SMYD1: variants seen among roughly 807,000 people sequenced by gnomAD.
SMYD1 encodes the protein SET and MYND domain containing 1.
SMYD1 carries 49 observed loss-of-function variants against 54.0 expected under a neutral mutation model. That is an observed-to-expected ratio of 0.91 (90% CI 0.72 to 1.15). The LOEUF is 1.15. Ranked by LOEUF, SMYD1 falls within the 50% of genes most tolerant of loss-of-function variation. SMYD1 has a pLI of 0.00. For missense variants in SMYD1, 653 were observed against 639.6 expected (o/e 1.02, Z -0.23); for synonymous variants, 269 against 234.2 (o/e 1.15, Z -1.36).
rs1675032797 is a variant in SMYD1 at position 88,111,926 on chromosome 2, G to C, written c.*1414G>C. The C allele has an allele frequency of 1.6e-6, 1 of 639,436 alleles. No homozygotes were observed. The highest frequency in any genetic ancestry group is 2.8e-6 in the Non-Finnish European group (1 of 351,920). 39.6% of individuals were successfully genotyped at this position (639,436 alleles called of 1,614,324 possible). On this transcript the variant is annotated 3_prime_UTR_variant, in exon 10 of 10. Transcript: ENST00000419482. ...TCTTGAAGTAAATTGATCCCACCAG[G>C]TCCCACGTTTGTTATCTCTGCCTAA...
intron 6 of SMYD1, among the ~76,000 whole-genome samples, chr2:88,099,418 A>C (rs1159562853): frequency 1.3e-5 from 2 of 151,838 alleles, no homozygotes; most frequent in Non-Finnish European, 2.9e-5. Context: ...GCCTTTACCC[A>C]TGGTTTTCAA....
intron 6 of SMYD1, among the ~76,000 whole-genome samples, 163 bp from the exon 7 acceptor site, chr2:88,102,895 G>T (rs1386090820): frequency 1.3e-5 from 2 of 152,188 alleles, no homozygotes; most frequent in Non-Finnish European, 2.9e-5. Context: ...GAGGGAACTG[G>T]AATAGCTACA....
chr2:88,092,061 G>T (rs1005218665), intron 4 of SMYD1, among the ~76,000 whole-genome samples: 8 of 152,146 alleles, frequency 5.3e-5, no homozygotes, highest in Non-Finnish European at 7.3e-5. Flanking sequence ...GCTCAGCTGT[G>T]GCTTATAACT....
intron 6 of SMYD1, among the ~76,000 whole-genome samples, chr2:88,102,599 G>C (rs1056475136): frequency 5.9e-5 from 9 of 152,190 alleles, no homozygotes; most frequent in Non-Finnish European, 1.2e-4. Flanking sequence ...AAGTCCCTGG[G>C]CTCTGTCTTC....
chr2:88,096,333 G>A (rs531338517), intron 5 of SMYD1, among the ~76,000 whole-genome samples: 3 of 152,344 alleles, frequency 2.0e-5, no homozygotes, highest in African/African-American at 7.2e-5. Context: ...ACCAAGCCCA[G>A]CTCTCTACTA....
chr2:88,106,243 G>A (rs1674864512), intron 7 of SMYD1, 82 bp from the exon 8 acceptor site: 3 of 1,534,894 alleles, frequency 2.0e-6, no homozygotes, highest in Admixed American at 1.8e-5. Flanking sequence ...TGATTGTCTG[G>A]TATCACCATG....
At position 88,067,977 on chromosome 2, in the gene SMYD1, C is replaced by T. The variant is rs972308157; in HGVS notation, c.113C>T (p.Ala38Val). 2 of 1,613,550 alleles carry T rather than the reference C, an allele frequency of 1.2e-6. No homozygotes were observed. Among genetic ancestry groups the T allele is most frequent in the African/African-American group, 2.7e-5 (2 of 74,890 alleles). Residue 38 changes from alanine (A) to valine (V), a missense_variant, in exon 1 of 10, where the codon GCT (alanine) becomes GTT (valine). Coordinates refer to ENST00000419482, the MANE Select transcript of SMYD1 (RefSeq NM_198274.4). ...WAADIIFAER[A>V]YSAVVFDSLV... is the part of the protein sequence containing the mutation. Reference sequence around the variant, plus strand: ...GCAGATATCATCTTTGCTGAGCGGGCTTATTCCGCAGTGGTTTTTGACAGG... The same window carrying T: ...GCAGATATCATCTTTGCTGAGCGGGTTTATTCCGCAGTGGTTTTTGACAGG...
chr2:88,077,021 A>AAC (rs1180352183), intron 1 of SMYD1, among the ~76,000 whole-genome samples: 3 of 151,844 alleles, frequency 2.0e-5, no homozygotes, highest in Non-Finnish European at 4.4e-5. Flanking sequence ...CAAAAAAAAA[A>AAC]AAAAAAAGAC....
intron 7 of SMYD1, among the ~76,000 whole-genome samples, chr2:88,105,894 A>G (rs1674855934): frequency 6.6e-6 from 1 of 152,082 alleles, no homozygotes; most frequent in South Asian, 2.1e-4. Flanking sequence ...GCTGAGACTG[A>G]GCCACTGCAC....
intron 2 of SMYD1, among the ~76,000 whole-genome samples, chr2:88,086,927 G>C (rs1365023284): frequency 6.8e-6 from 1 of 148,058 alleles, no homozygotes; most frequent in East Asian, 2.0e-4. Context: ...CTGGTGCGCT[G>C]CACCCACTAA....
At chr2:88,097,383 G>C (rs1262953548) in intron 6 of SMYD1, among the ~76,000 whole-genome samples, 2 of 152,168 alleles carry the variant, frequency 1.3e-5, no homozygotes, top group Admixed American at 6.5e-5. Flanking sequence ...CTGGGAGAGA[G>C]AGCTGAGCCG....
intron 1 of SMYD1, among the ~76,000 whole-genome samples, chr2:88,068,611 GTT>G (rs201974675): frequency 7.3e-5 from 10 of 136,594 alleles, no homozygotes; most frequent in Admixed American, 1.5e-4. Context: ...AGTCTGTCTG[GTT>G]TTTTTTTTTT....
Position 88,089,587 on chromosome 2 carries a change from T to C in SMYD1, c.529-1425T>C, listed in dbSNP as rs1030769036. Among the ~76,000 whole-genome samples the C allele has an allele frequency of 3.7e-5, 5 of 133,578 alleles. 1 individual carries two copies. The highest frequency in any genetic ancestry group is 2.4e-4 in the East Asian group (1 of 4,138). 87.6% of individuals were successfully genotyped at this position (133,578 alleles called of 152,430 possible). On this transcript the variant is annotated intron_variant, in intron 3 of 9. Transcript: ENST00000419482. ...TTCAGGAGCCAGAGCTTCTACCTGTTTTTTTTTTTTTTTTTTTTTTTTGAG... is the reference window on the plus strand; with the variant it reads ...TTCAGGAGCCAGAGCTTCTACCTGTCTTTTTTTTTTTTTTTTTTTTTTGAG...
intron 2 of SMYD1, among the ~76,000 whole-genome samples, chr2:88,085,790 A>G (rs796871155): frequency 3.9e-5 from 6 of 152,288 alleles, no homozygotes; most frequent in African/African-American, 1.4e-4. Context: ...AAGACACCTC[A>G]GTTTCCAGGC....
intron 1 of SMYD1, among the ~76,000 whole-genome samples, chr2:88,072,382 C>T (rs769037022): frequency 2.0e-5 from 3 of 152,212 alleles, no homozygotes; most frequent in Non-Finnish European, 4.4e-5. Context: ...AACTCCCGGC[C>T]TCAAGTGATC....
At chr2:88,081,698 A>G (rs1459827213) in intron 1 of SMYD1, among the ~76,000 whole-genome samples, 1 of 152,118 alleles carries the variant, frequency 6.6e-6, no homozygotes, top group Non-Finnish European at 1.5e-5. Flanking sequence ...GGCTTCCCAC[A>G]GTGCTGGGAT....
intron 3 of SMYD1, among the ~76,000 whole-genome samples, chr2:88,090,792 A>C (rs1287906192): frequency 6.6e-6 from 1 of 152,240 alleles, no homozygotes; most frequent in Non-Finnish European, 1.5e-5. Flanking sequence ...CTTTCAAGGT[A>C]GGGCTGCATT....
chr2:88,105,063 G>T (rs531090833), intron 7 of SMYD1, among the ~76,000 whole-genome samples: 1 of 152,258 alleles, frequency 6.6e-6, no homozygotes, highest in South Asian at 2.1e-4. Flanking sequence ...ACACATCCAG[G>T]GTTTCTCTCC....
At chr2:88,089,596 T>C (rs930682801) in intron 3 of SMYD1, among the ~76,000 whole-genome samples, 1 of 145,314 alleles carries the variant, frequency 6.9e-6, no homozygotes, top group Non-Finnish European at 1.5e-5. Context: ...TTTTTTTTTT[T>C]TTTTTTTTTT....
Sources: gnomAD v4.1 joint callset for allele counts (sites outside exome capture counted in the v4.1 genomes callset) on GRCh38, gnomAD v4.1.1 for gene constraint, MANE v1.5 for transcripts, NCBI Gene and HGNC (gene_info 2026-07-23, HGNC 2026-07-21) for gene names.